LRPPRC: variants seen among roughly 807,000 people sequenced by gnomAD.
LRPPRC encodes leucine-rich PPR motif-containing protein, mitochondrial.
LRPPRC carries 120 observed loss-of-function variants against 180.3 expected under a neutral mutation model. That is an observed-to-expected ratio of 0.67 (90% CI 0.57 to 0.77). LRPPRC has a LOEUF of 0.77. LRPPRC is among the 30% of genes least tolerant of loss of function. The pLI is 0.00. For synonymous variants in LRPPRC, 723 were observed against 600.0 expected (o/e 1.21, Z -3.00); for missense variants, 2,012 against 1,657.2 (o/e 1.21, Z -3.72).
intron 23 of LRPPRC, among the ~76,000 whole-genome samples, chr2:43,941,331 C>A (rs1437600742): frequency 1.3e-5 from 2 of 152,118 alleles, no homozygotes; most frequent in Non-Finnish European, 2.9e-5. Context: ...AAGTGATATT[C>A]TCTTTAGAGC....
At chr2:43,924,220 T>C (rs1175902785) in intron 27 of LRPPRC, among the ~76,000 whole-genome samples, 7 of 152,118 alleles carry the variant, frequency 4.6e-5, no homozygotes, top group Non-Finnish European at 8.8e-5. Context: ...TAAACATCCA[T>C]GAAACAAATA....
At position 43,973,675 on chromosome 2, in the gene LRPPRC, C is replaced by G; in HGVS notation, c.1301G>C (p.Gly434Ala). ...KALMKAVKEE[G>A]FPIRPHYFWP... ...GAAATAGTGAGGTCTGATAGGAAAACCTTCCTCCTTCACAGCCTTCATTAA... is the reference window on the plus strand; with the variant it reads ...GAAATAGTGAGGTCTGATAGGAAAAGCTTCCTCCTTCACAGCCTTCATTAA... The change falls in exon 11 of 38, where the codon GGT (glycine) becomes GCT (alanine). Residue 434 changes from glycine (G) to alanine (A), a missense_variant. By Grantham distance (60) the Gly-to-Ala change is moderately conservative (BLOSUM62 0). Transcript: ENST00000260665. 1 of 1,614,038 alleles carries G rather than the reference C, an allele frequency of 6.2e-7. No homozygotes were observed. The highest frequency in any genetic ancestry group is 8.5e-7 in the Non-Finnish European group (1 of 1,179,890).
At chr2:43,993,752 C>T (rs531697237) in intron 1 of LRPPRC, among the ~76,000 whole-genome samples, 2 of 148,006 alleles carry the variant, frequency 1.4e-5, no homozygotes, top group Admixed American at 1.3e-4. Context: ...AAAAAAAAAA[C>T]CAGAGAAATA....
At chr2:43,961,780 G>A (rs528172969) in intron 12 of LRPPRC, among the ~76,000 whole-genome samples, 9 of 152,244 alleles carry the variant, frequency 5.9e-5, no homozygotes, top group East Asian at 3.9e-4. Flanking sequence ...GGCCAACATG[G>A]TGAAATCCCA....
At position 43,984,146 on chromosome 2, in the gene LRPPRC, T is replaced by TC. The variant is rs113913426; in HGVS notation, c.150-1713dup. Among the ~76,000 whole-genome samples, 505 of 152,188 alleles carry TC rather than the reference T, an allele frequency of 3.3e-3. 4 individuals are homozygous for TC. The highest frequency in any genetic ancestry group is 0.012 in the African/African-American group (483 of 41,508). ...TGCTCTATCAGTTGTTACTAAACTA[T>TC]CCCCTTCTTAATGTCCCGCAAGCAC... On this transcript the variant is annotated intron_variant, in intron 1 of 37. Transcript: ENST00000260665.
chr2:43,946,105 G>A lies in LRPPRC; in HGVS notation c.2210+8C>T. The A allele has an allele frequency of 4.3e-6, 7 of 1,611,928 alleles. No homozygotes were observed. The highest frequency in any genetic ancestry group is 2.2e-5 in the South Asian group (2 of 91,048). ...GTTGACAACTTGTTTCAGTGCCAGGGTACTCACAATTCTTCTTTCAAGTTC... is the reference window on the plus strand; with the variant it reads ...GTTGACAACTTGTTTCAGTGCCAGGATACTCACAATTCTTCTTTCAAGTTC... On this transcript the variant is annotated splice_region_variant and intron_variant, in intron 21 of 37. Coordinates refer to ENST00000260665, the MANE Select transcript of LRPPRC (RefSeq NM_133259.4).
chr2:43,913,860 A>C (rs1209939713), intron 29 of LRPPRC, among the ~76,000 whole-genome samples: 1 of 152,188 alleles, frequency 6.6e-6, no homozygotes, highest in East Asian at 1.9e-4. Context: ...CTCCACTATC[A>C]TTTACTGATT....
chr2:43,965,776 C>G (rs1270383115), intron 11 of LRPPRC, among the ~76,000 whole-genome samples: 1 of 152,186 alleles, frequency 6.6e-6, no homozygotes, highest in East Asian at 1.9e-4. Flanking sequence ...CTCAACATTA[C>G]TAATCATCAG....
chr2:43,917,737 TGA>T (rs1211538414), intron 29 of LRPPRC, among the ~76,000 whole-genome samples: 1 of 151,932 alleles, frequency 6.6e-6, no homozygotes, highest in African/African-American at 2.4e-5. Flanking sequence ...TGCAGTGAGC[TGA>T]GATCACGCTA....
At chr2:43,918,443 A>T in intron 27 of LRPPRC, 45 bp from the exon 28 acceptor site, 1 of 1,276,390 alleles carries the variant, frequency 7.8e-7, no homozygotes, top group Non-Finnish European at 1.1e-6. Flanking sequence ...AATATGCTAA[A>T]CAGAATACAC....
At chr2:43,894,903 G>A (rs1203539020) in intron 35 of LRPPRC, among the ~76,000 whole-genome samples, 1 of 152,108 alleles carries the variant, frequency 6.6e-6, no homozygotes, top group Non-Finnish European at 1.5e-5. Flanking sequence ...TGCTTCTTTT[G>A]TCAAGTGGTG....
chr2:43,948,032 G>C, intron 18 of LRPPRC, 90 bp downstream of exon 18: 1 of 958,218 alleles, frequency 1.0e-6, no homozygotes, highest in Non-Finnish European at 1.7e-6. Flanking sequence ...TTTTTTTTCT[G>C]ACCAAAAGCA....
intron 30 of LRPPRC, among the ~76,000 whole-genome samples, chr2:43,911,608 C>A (rs1022470798): frequency 6.8e-6 from 1 of 146,730 alleles, no homozygotes; most frequent in Non-Finnish European, 1.5e-5. Context: ...CTCAACGCAA[C>A]CTCCACCTCC....
intron 6 of LRPPRC, among the ~76,000 whole-genome samples, chr2:43,975,718 G>C (rs1474987077): frequency 3.9e-5 from 6 of 151,968 alleles, no homozygotes; most frequent in Non-Finnish European, 8.8e-5. Context: ...AAGTAGCTGG[G>C]ATTACAGGCA....
chr2:43,929,785 A>G (rs1481769703), intron 25 of LRPPRC, among the ~76,000 whole-genome samples: 1 of 152,178 alleles, frequency 6.6e-6, no homozygotes, highest in Non-Finnish European at 1.5e-5. Context: ...GACCATGTAT[A>G]ATAAGGAGGA....
intron 36 of LRPPRC, among the ~76,000 whole-genome samples, chr2:43,890,524 T>TAACA (rs1670452867): frequency 6.6e-6 from 1 of 152,092 alleles, no homozygotes; most frequent in Non-Finnish European, 1.5e-5. Context: ...CCATCCTGGC[T>TAACA]AACATGGTGA....
chr2:43,935,779 A>C (rs1015015122), intron 23 of LRPPRC, among the ~76,000 whole-genome samples: 5 of 152,226 alleles, frequency 3.3e-5, no homozygotes, highest in African/African-American at 1.2e-4. Flanking sequence ...TAATATAAAA[A>C]AAATAAAATA....
intron 14 of LRPPRC, among the ~76,000 whole-genome samples, chr2:43,952,278 C>A (rs930173660): frequency 1.3e-5 from 2 of 152,014 alleles, no homozygotes; most frequent in East Asian, 3.8e-4. Flanking sequence ...GATAAACTTT[C>A]AAAATTTCAC....
Position 43,889,782 on chromosome 2 carries a change from T to C in LRPPRC, c.4080A>G (p.Ala1360=). 6.2e-7 allele frequency: 1 copy of C among 1,612,682 alleles called. No homozygotes were observed. Among genetic ancestry groups the C allele is most frequent in the East Asian group, 2.2e-5 (1 of 44,876 alleles). ...KLDDLFLKRY[A]SLLKYAGEPV... is the part of the protein sequence containing the mutation. ...GCTCTCCAGCATACTTCAGCAAAGA[T>C]GCGTAACGCTTTAGAAACAGATCAT... Residue 1360 remains alanine, a synonymous_variant, in exon 37 of 38, where the codon GCA becomes GCG. Transcript: ENST00000260665.
Sources: gnomAD v4.1 joint callset for allele counts (sites outside exome capture counted in the v4.1 genomes callset) on GRCh38, gnomAD v4.1.1 for gene constraint, MANE v1.5 for transcripts, NCBI Gene and HGNC (gene_info 2026-07-23, HGNC 2026-07-21) for gene names.